The following SDHAF3 variants were observed in gnomAD, a reference collection of about 807,000 sequenced individuals.
SDHAF3 encodes the protein succinate dehydrogenase complex assembly factor 3, also known as succinate dehydrogenase assembly factor 3, mitochondrial.
In SDHAF3, 18 loss-of-function variants were observed where a neutral mutation model predicts 11.5. The ratio of observed to expected loss-of-function variants is 1.56; its 90% CI spans 1.08 to 2.32. The LOEUF is 2.32. Among genes scored for constraint, SDHAF3 ranks in the 30% most tolerant of loss-of-function variants. The pLI, the probability that SDHAF3 is intolerant of heterozygous loss-of-function variation, is 0.00. For missense variants in SDHAF3, 200 were observed against 154.4 expected (o/e 1.30, Z -1.57); for synonymous variants, 72 against 59.3 (o/e 1.21, Z -0.99).
intron 1 of SDHAF3, among the ~76,000 whole-genome samples, chr7:97,146,708 C>G (rs1045490012): frequency 1.3e-5 from 2 of 151,778 alleles, no homozygotes; most frequent in African/African-American, 4.8e-5. Flanking sequence ...GCAAATTTTG[C>G]CCAATGGAGG....
chr7:97,118,323 G>C (rs1268324359), intron 1 of SDHAF3, among the ~76,000 whole-genome samples: 1 of 152,120 alleles, frequency 6.6e-6, no homozygotes, highest in Non-Finnish European at 1.5e-5. Flanking sequence ...TAATCTCAGC[G>C]CTTTTGGTTG....
intron 1 of SDHAF3, among the ~76,000 whole-genome samples, chr7:97,161,588 C>G (rs1789410073): frequency 6.6e-6 from 1 of 152,146 alleles, no homozygotes; most frequent in South Asian, 2.1e-4. Context: ...CCCCTAGCCC[C>G]CCTCACCCTC....
intron 1 of SDHAF3, among the ~76,000 whole-genome samples, chr7:97,153,255 C>T (rs934127166): frequency 2.0e-5 from 3 of 152,184 alleles, no homozygotes; most frequent in African/African-American, 7.2e-5. Flanking sequence ...TACTCTCACC[C>T]TAGTTTTGCC....
intron 1 of SDHAF3, among the ~76,000 whole-genome samples, chr7:97,135,923 G>A (rs1371072464): frequency 2.0e-5 from 3 of 151,532 alleles, no homozygotes; most frequent in African/African-American, 4.9e-5. Flanking sequence ...TCCTGACCTC[G>A]TGATCCGCCC....
In SDHAF3 at chr7:97,157,046, C is replaced by T. The variant is rs180892556; in HGVS notation, c.175-23966C>T. Reference sequence around the variant, plus strand: ...TTCACCTCCCACTTTTAAGTGAGAACATGTGGTGTTTGGTTTTCTAACCAG... The same window carrying T: ...TTCACCTCCCACTTTTAAGTGAGAATATGTGGTGTTTGGTTTTCTAACCAG... On this transcript the variant is annotated intron_variant, in intron 1 of 1. Coordinates refer to ENST00000432641, the MANE Select transcript of SDHAF3 (RefSeq NM_020186.3). 1.2e-4 allele frequency among the ~76,000 whole-genome samples: 19 copies of T among 152,110 alleles called. No individual in the cohort carries two copies. The East Asian group carries it at 3.5e-3, about 28-fold the overall frequency.
intron 1 of SDHAF3, among the ~76,000 whole-genome samples, chr7:97,161,265 A>G (rs1789405380): frequency 6.6e-6 from 1 of 151,950 alleles, no homozygotes; most frequent in South Asian, 2.1e-4. Flanking sequence ...GTGTTAAATT[A>G]TTTTCCTCTA....
chr7:97,150,048 A>G (rs919849720), intron 1 of SDHAF3, among the ~76,000 whole-genome samples: 8 of 152,240 alleles, frequency 5.3e-5, no homozygotes, highest in African/African-American at 1.7e-4. Context: ...TTGCTCATCC[A>G]TAAGAGAGAA....
chr7:97,136,148 T>C (rs76292132), intron 1 of SDHAF3, among the ~76,000 whole-genome samples: 1,738 of 152,328 alleles, frequency 0.011, 34 homozygotes, highest in African/African-American at 0.04. Context: ...CAAAGACTAA[T>C]AGGAGTTTCT....
chr7:97,157,667 C>T (rs868228413), intron 1 of SDHAF3, among the ~76,000 whole-genome samples: 4 of 152,032 alleles, frequency 2.6e-5, no homozygotes, highest in East Asian at 1.9e-4. Flanking sequence ...CACATGCATA[C>T]GTATGTTTAT....
intron 1 of SDHAF3, among the ~76,000 whole-genome samples, chr7:97,158,977 C>T (rs1298761007): frequency 1.3e-5 from 2 of 152,002 alleles, no homozygotes; most frequent in Non-Finnish European, 2.9e-5. Flanking sequence ...GTTAGCAATT[C>T]AATGGTATAA....
intron 1 of SDHAF3, among the ~76,000 whole-genome samples, chr7:97,120,846 AAG>A (rs1428512629): frequency 6.6e-6 from 1 of 152,176 alleles, no homozygotes; most frequent in African/African-American, 2.4e-5. Context: ...CCATATTTGG[AAG>A]AGAGTTCTCT....
At chr7:97,179,116 A>G (rs1789731774) in intron 1 of SDHAF3, among the ~76,000 whole-genome samples, 1 of 152,250 alleles carries the variant, frequency 6.6e-6, no homozygotes. Context: ...CACTGAATGG[A>G]TTTGACATCT....
At chr7:97,124,838 A>T (rs1584207454) in intron 1 of SDHAF3, among the ~76,000 whole-genome samples, 1 of 152,206 alleles carries the variant, frequency 6.6e-6, no homozygotes, top group Admixed American at 6.5e-5. Flanking sequence ...ATTTTTGCAC[A>T]TTGATTTCAT....
At chr7:97,146,347 T>C (rs148708529) in intron 1 of SDHAF3, among the ~76,000 whole-genome samples, 209 of 152,324 alleles carry the variant, frequency 1.4e-3, no homozygotes, top group African/African-American at 4.8e-3. Context: ...TGTGTATTTA[T>C]TGACATATAA....
At chr7:97,139,142 C>T (rs1788988016) in intron 1 of SDHAF3, among the ~76,000 whole-genome samples, 1 of 152,232 alleles carries the variant, frequency 6.6e-6, no homozygotes, top group African/African-American at 2.4e-5. Context: ...CTTTTTCCTA[C>T]CTGTGTTCGG....
At chr7:97,151,577 C>A (rs1252249309) in intron 1 of SDHAF3, among the ~76,000 whole-genome samples, 1 of 151,034 alleles carries the variant, frequency 6.6e-6, no homozygotes, top group African/African-American at 2.4e-5. Context: ...CCGCTCACTG[C>A]AAGCTCTGCC....
intron 1 of SDHAF3, among the ~76,000 whole-genome samples, chr7:97,121,958 T>C (rs1291580843): frequency 6.6e-6 from 1 of 151,084 alleles, no homozygotes; most frequent in Non-Finnish European, 1.5e-5. Context: ...CCCAGGTTCA[T>C]GCCATTCTCC....
intron 1 of SDHAF3, among the ~76,000 whole-genome samples, chr7:97,150,933 C>T (rs1217564432): frequency 6.6e-6 from 1 of 152,032 alleles, no homozygotes; most frequent in Non-Finnish European, 1.5e-5. Flanking sequence ...TACAGGCCTG[C>T]ACCACTGCGC....
rs187200541 is a variant in SDHAF3 at position 97,122,008 on chromosome 7, C to A, written c.174+4111C>A. ...GAGTAGCTGGGACTACAGGCGCCCA[C>A]CACTGCGCCCAGCTAATTTTTTGTA... On this transcript the variant is annotated intron_variant, in intron 1 of 1. Transcript: ENST00000432641. Among the ~76,000 whole-genome samples, 800 of 152,212 alleles carry A rather than the reference C, an allele frequency of 5.3e-3. 4 individuals carry two copies. The highest frequency in any genetic ancestry group is 9.0e-3 in the Non-Finnish European group (613 of 68,008).
Sources: allele counts gnomAD v4.1 joint callset (sites outside exome capture counted in the v4.1 genomes callset), GRCh38; gene constraint gnomAD v4.1.1; transcripts MANE v1.5; gene names NCBI Gene and HGNC (gene_info 2026-07-23, HGNC 2026-07-21).